SLC9A6: variants seen among roughly 807,000 people sequenced by gnomAD.
SLC9A6 encodes sodium/hydrogen exchanger 6.
In SLC9A6, 6 loss-of-function variants were observed where a neutral mutation model predicts 45.3. That is an observed-to-expected ratio of 0.13 (90% CI 0.07 to 0.26). The LOEUF is 0.26. Ranked by LOEUF, SLC9A6 falls within the 10% of genes least tolerant of loss-of-function variation. The pLI is 1.00. For synonymous variants in SLC9A6, 191 were observed against 187.7 expected, an observed-to-expected ratio of 1.02 and a Z score of -0.14; for missense variants, 278 against 503.7, an observed-to-expected ratio of 0.55 and a Z score of 4.29.
rs961010463 is a variant in SLC9A6 at position 136,045,165 on chromosome X, G to A, written c.*441G>A. The A allele has an allele frequency of 1.5e-5, 2 of 132,239 alleles. No individual in the cohort carries two copies. The highest frequency in any genetic ancestry group is 3.0e-5 in the Non-Finnish European group (2 of 66,241). 10.9% of individuals were successfully genotyped at this position (132,239 alleles called of 1,213,427 possible). A position where few individuals can be genotyped will look rare whatever the true frequency, so the allele number is the denominator to read the frequency against. On this transcript the variant is annotated 3_prime_UTR_variant, in exon 18 of 18. Transcript: ENST00000630721. ...TAGGGAGGAGAGGTTCCTTTGTTGGGAAACTTTTGTTGATAGCTGCTGCCT... is the reference window on the plus strand; with the variant it reads ...TAGGGAGGAGAGGTTCCTTTGTTGGAAAACTTTTGTTGATAGCTGCTGCCT...
intron 14 of SLC9A6, chrX:136,029,877 G>GT (rs1407394230): frequency 2.7e-5 from 11 of 400,981 alleles, no homozygotes; most frequent in Non-Finnish European, 4.4e-5. Context: ...AAAAAATGCT[G>GT]TTTTTTTCTG....
intron 7 of SLC9A6, among the ~76,000 whole-genome samples, chrX:136,006,930 G>A (rs781956514): frequency 3.6e-5 from 4 of 110,122 alleles, no homozygotes; most frequent in African/African-American, 9.9e-5. Context: ...ACAATGGCGC[G>A]GTCTTGGCTC....
intron 7 of SLC9A6, among the ~76,000 whole-genome samples, chrX:136,007,396 AC>A (rs1400992879): frequency 9.0e-6 from 1 of 111,277 alleles, no homozygotes; most frequent in Non-Finnish European, 1.9e-5. Context: ...ATACCTGGCC[AC>A]AAATATCAAT....
Position 135,998,867 on chromosome X carries a change from A to G in SLC9A6, c.536A>G (p.Tyr179Cys). 8.4e-7 allele frequency: 1 copy of G among 1,194,244 alleles called. No individual in the cohort carries two copies. The highest frequency in any genetic ancestry group is 1.1e-6 in the Non-Finnish European group (1 of 879,517). Residue 179 changes from tyrosine (Y) to cysteine (C), a missense_variant, in exon 6 of 18, where the codon TAT becomes TGT. Tyr to Cys is a radical substitution (Grantham distance 194). Around this residue, in one of 5 missense-constraint regions of SLC9A6, gnomAD observed 118 missense variants for 209.9 expected, o/e 0.56. Coordinates refer to ENST00000630721, the MANE Select transcript of SLC9A6 (RefSeq NM_001379110.1). ...TGTTTATTGAACAGGTCAATAATGTATGGCTGTGTAACGCTGATGAAGGTA... is the reference window on the plus strand; with the variant it reads ...TGTTTATTGAACAGGTCAATAATGTGTGGCTGTGTAACGCTGATGAAGGTA... ...ISCFVIGSIMYGCVTLMKVTG... is the reference protein window; with the variant it reads ...ISCFVIGSIMCGCVTLMKVTG...
intron 6 of SLC9A6, among the ~76,000 whole-genome samples, chrX:136,001,278 A>G (rs935974176): frequency 1.0e-5 from 1 of 99,987 alleles, no homozygotes; most frequent in Non-Finnish European, 2.0e-5. Flanking sequence ...CGGGGCTTGC[A>G]GTGAGCCGAG....
At position 135,989,358 on chromosome X, in the gene SLC9A6, G is replaced by A. The variant is rs574492648; in HGVS notation, c.169+3531G>A. Reference sequence around the variant, plus strand: ...TTGTCGAGGTAGTTAAATTAAGTCTGAAAAGTGATCACGCACTACACTGTG... The same window carrying A: ...TTGTCGAGGTAGTTAAATTAAGTCTAAAAAGTGATCACGCACTACACTGTG... On this transcript the variant is annotated intron_variant, in intron 2 of 17. Transcript: ENST00000630721. Among the ~76,000 whole-genome samples the A allele has an allele frequency of 2.7e-5, 3 of 112,071 alleles. No individual in the cohort carries two copies. The South Asian group carries it at 1.1e-3, about 41-fold the overall frequency.
intron 11 of SLC9A6, among the ~76,000 whole-genome samples, chrX:136,020,707 T>C (rs1030728504): frequency 5.3e-5 from 6 of 112,299 alleles, no homozygotes; most frequent in Admixed American, 9.5e-5. Flanking sequence ...TTCACTGATA[T>C]TTATTTTATA....
At position 136,044,623 on chromosome X, in the gene SLC9A6, G is replaced by A. The variant is rs2148217048; in HGVS notation, c.1939G>A (p.Asp647Asn). Residue 647 changes from aspartate to asparagine, a missense_variant, in exon 18 of 18, where the codon GAC becomes AAC. Asp to Asn is a conservative substitution (Grantham distance 23, BLOSUM62 1). This residue lies in a region of SLC9A6 where 91 missense variants were observed against 125.1 expected (regional missense o/e 0.73). Coordinates refer to ENST00000630721, the MANE Select transcript of SLC9A6 (RefSeq NM_001379110.1). ...DALDRELAFG[D>N]HELVIRGTRL... ...CTTGGATCGGGAGCTTGCATTTGGG[G>A]ACCATGAACTGGTCATTCGAGGAAC... The A allele has an allele frequency of 8.3e-7, 1 of 1,210,686 alleles. No individual in the cohort carries two copies. Among genetic ancestry groups the A allele is most frequent in the Non-Finnish European group, 1.1e-6 (1 of 894,657 alleles).
intron 15 of SLC9A6, among the ~76,000 whole-genome samples, chrX:136,031,893 T>C (rs2071327789): frequency 9.0e-6 from 1 of 111,232 alleles, no homozygotes; most frequent in Admixed American, 9.6e-5. Context: ...CAGGTGTTCT[T>C]CAGCTTTCGT....
intron 7 of SLC9A6, among the ~76,000 whole-genome samples, chrX:136,002,564 T>C (rs181421930): frequency 1.7e-3 from 189 of 111,230 alleles, no homozygotes; most frequent in Non-Finnish European, 2.6e-3. Context: ...ATATTTTCTT[T>C]CTTTTTTTTT....
At chrX:135,976,437 C>T (rs1374328175) in intron 1 of SLC9A6, among the ~76,000 whole-genome samples, 2 of 110,570 alleles carry the variant, frequency 1.8e-5, no homozygotes, top group African/African-American at 6.6e-5. Flanking sequence ...CCCATCTCTA[C>T]TAAAAATACA....
chrX:135,985,138 T>TTATGAAAGATCAATTCC (rs1403842554), upstream of SLC9A6: 1 of 154,157 alleles, frequency 6.5e-6, no homozygotes, highest in Non-Finnish European at 1.2e-5. Context: ...TTGAGATGGG[T>TTATGAAAGATCAATTCC]TATGAAAGAT....
chrX:135,985,304 G>A (rs2089312314), upstream of SLC9A6: 1 of 294,604 alleles, frequency 3.4e-6, no homozygotes, highest in Admixed American at 6.4e-5. Context: ...CAGCGCCTGT[G>A]GGTGCGTGTG....
chrX:136,025,423 A>G (rs781817255), intron 13 of SLC9A6, among the ~76,000 whole-genome samples: 1 of 112,238 alleles, frequency 8.9e-6, no homozygotes, highest in African/African-American at 3.2e-5. Flanking sequence ...CACTTTATAG[A>G]TCCTGTCCTC....
intron 13 of SLC9A6, 99 bp from the exon 14 acceptor site, chrX:136,028,787 G>A (rs1798405039): frequency 1.1e-5 from 3 of 277,188 alleles, no homozygotes; most frequent in Non-Finnish European, 1.3e-5. Context: ...TTTGTGTTCT[G>A]GGATGCTACT....
At chrX:136,010,952 AC>A (rs2070908568) in intron 8 of SLC9A6, among the ~76,000 whole-genome samples, 1 of 112,195 alleles carries the variant, frequency 8.9e-6, no homozygotes, top group African/African-American at 3.2e-5. Flanking sequence ...GTTTAATAGG[AC>A]AAATAGGAAA....
intron 7 of SLC9A6, among the ~76,000 whole-genome samples, chrX:136,003,013 A>C (rs782111684): frequency 1.8e-4 from 19 of 105,216 alleles, no homozygotes; most frequent in Admixed American, 1.1e-3. Context: ...TTTGAGACGA[A>C]GTCTCGCTCC....
chrX:136,001,230 G>A (rs1290661490), intron 6 of SLC9A6, among the ~76,000 whole-genome samples: 2 of 107,227 alleles, frequency 1.9e-5, no homozygotes, highest in African/African-American at 3.4e-5. Context: ...CCAGCTACTC[G>A]GGAGGCTGAA....
At chrX:135,986,039 C>T (rs782448968) in intron 2 of SLC9A6, among the ~76,000 whole-genome samples, 1 of 109,232 alleles carries the variant, frequency 9.2e-6, no homozygotes, top group South Asian at 4.1e-4. Flanking sequence ...CTCTCCACAC[C>T]TTTTTCGCTT....
Sources: gnomAD v4.1 joint callset for allele counts (sites outside exome capture counted in the v4.1 genomes callset) on GRCh38, gnomAD v4.1.1 for gene constraint, gnomAD v4.1.1 regional missense constraint, MANE v1.5 for transcripts, NCBI Gene and HGNC (gene_info 2026-07-23, HGNC 2026-07-21) for gene names.